The following MYT1L variants were observed in gnomAD, a reference collection of about 807,000 sequenced individuals.
MYT1L encodes the protein myelin transcription factor 1 like.
A neutral mutation model predicts 126.7 loss-of-function variants in MYT1L; 12 were observed. The ratio of observed to expected loss-of-function variants is 0.09; its 90% CI spans 0.06 to 0.15. The LOEUF is 0.15. Among genes scored for constraint, MYT1L ranks in the 10% least tolerant of loss-of-function variants. The probability of loss-of-function intolerance (pLI) is 1.00; values close to 1 mark genes in which losing one functional copy is unlikely to be tolerated. For synonymous variants in MYT1L, 541 were observed against 604.2 expected, an observed-to-expected ratio of 0.90 and a Z score of 1.53; for missense variants, 979 against 1,585.2, an observed-to-expected ratio of 0.62 and a Z score of 6.49.
At position 1,910,364 on chromosome 2, in the gene MYT1L, C is replaced by G; in HGVS notation, c.1710-17G>C. 1 of 1,604,410 alleles carries G rather than the reference C, an allele frequency of 6.2e-7. No individual in the cohort carries two copies. Among genetic ancestry groups the G allele is most frequent in the Non-Finnish European group, 8.5e-7 (1 of 1,176,394 alleles). On this transcript the variant is annotated splice_polypyrimidine_tract_variant and intron_variant, in intron 12 of 24. Transcript: ENST00000647738. The surrounding 1 kb of genome is among the most constrained non-coding windows in gnomAD (Gnocchi z 4.8). Reference sequence around the variant, plus strand: ...CCGGAGAGGCTGCAATCACAGAAAGCGGGTTGAATGGTCCCGCCTCAAACA... The same window carrying G: ...CCGGAGAGGCTGCAATCACAGAAAGGGGGTTGAATGGTCCCGCCTCAAACA...
At chr2:1,995,720 A>G (rs1342409318) in intron 5 of MYT1L, among the ~76,000 whole-genome samples, 1 of 152,128 alleles carries the variant, frequency 6.6e-6, no homozygotes. Flanking sequence ...GGACCAGCTG[A>G]TGCCGAAATC....
chr2:2,221,903 G>A (rs1184305961), intron 2 of MYT1L, among the ~76,000 whole-genome samples: 4 of 152,124 alleles, frequency 2.6e-5, no homozygotes, highest in Admixed American at 1.3e-4. Flanking sequence ...GTGAAGCTTC[G>A]CAGCACTTTC....
At chr2:2,162,936 C>T (rs1380361892) in intron 3 of MYT1L, among the ~76,000 whole-genome samples, 2 of 152,140 alleles carry the variant, frequency 1.3e-5, no homozygotes, top group Non-Finnish European at 2.9e-5. Flanking sequence ...ATCTGTAACC[C>T]CGTGACCTTG....
At chr2:1,956,575 T>C (rs941052218) in intron 8 of MYT1L, among the ~76,000 whole-genome samples, 4 of 39,892 alleles carry the variant, frequency 1.0e-4, no homozygotes, top group Non-Finnish European at 2.3e-4. Flanking sequence ...TATTTCCTAT[T>C]CTATCTATCT....
intron 18 of MYT1L, chr2:1,883,831 C>T (rs2047867680): frequency 6.6e-6 from 1 of 152,214 alleles, no homozygotes; most frequent in Admixed American, 6.5e-5. Context: ...CTTCGACACA[C>T]CAGATGGGCT....
intron 8 of MYT1L, among the ~76,000 whole-genome samples, chr2:1,967,411 G>A (rs370163779): frequency 5.9e-5 from 9 of 152,304 alleles, no homozygotes; most frequent in South Asian, 2.1e-4. Context: ...ACCCAGATGC[G>A]CCCTCTGGGA....
rs1478840772 is a variant in MYT1L at position 2,059,023 on chromosome 2, A to C, written c.-303-4900T>G. ...TGAAACCATACCTAAGTGTGACTGCAGTTTATATAAACTCAAGGACAATTG... is the reference window on the plus strand; with the variant it reads ...TGAAACCATACCTAAGTGTGACTGCCGTTTATATAAACTCAAGGACAATTG... On this transcript the variant is annotated intron_variant, in intron 3 of 24. Transcript: ENST00000647738. The surrounding 1 kb of genome is among the most constrained non-coding windows in gnomAD (Gnocchi z 4.7). 6.6e-6 allele frequency among the ~76,000 whole-genome samples: 1 copy of C among 152,254 alleles called. No homozygotes were observed. Among genetic ancestry groups the C allele is most frequent in the Non-Finnish European group, 1.5e-5 (1 of 68,048 alleles).
At chr2:1,824,228 C>T (rs1022130730) in intron 21 of MYT1L, among the ~76,000 whole-genome samples, 1 of 152,222 alleles carries the variant, frequency 6.6e-6, no homozygotes. Flanking sequence ...AGATACATGA[C>T]CCCAACCAAT....
In MYT1L at chr2:1,910,105, C is replaced by G; in HGVS notation, c.1817+135G>C. 1 of 773,856 alleles carries G rather than the reference C, an allele frequency of 1.3e-6. No homozygotes were observed. Among genetic ancestry groups the G allele is most frequent in the Non-Finnish European group, 2.1e-6 (1 of 480,328 alleles). 47.9% of individuals were successfully genotyped at this position (773,856 alleles called of 1,614,324 possible). ...CTGGAGTGAGGGGTCCTGGCCCCGG[C>G]TTCCAGCACAGCCCCGCCCTCCAGT... On this transcript the variant is annotated intron_variant, in intron 13 of 24. Transcript: ENST00000647738. The surrounding 1 kb of genome is among the most constrained non-coding windows in gnomAD (Gnocchi z 4.8).
At chr2:2,185,123 T>A (rs2091978084) in intron 2 of MYT1L, among the ~76,000 whole-genome samples, 1 of 152,130 alleles carries the variant, frequency 6.6e-6, no homozygotes, top group Non-Finnish European at 1.5e-5. Context: ...TCCATATCCA[T>A]CCAATAACTC....
At chr2:2,330,841 C>A (rs999149187) in intron 1 of MYT1L, 126 bp downstream of exon 1, 3 of 152,092 alleles carry the variant, frequency 2.0e-5, no homozygotes, top group African/African-American at 7.2e-5. Context: ...CAGCTACCAG[C>A]CATGCTGTAA....
At chr2:2,293,400 T>A (rs574879499) in intron 1 of MYT1L, among the ~76,000 whole-genome samples, 1 of 152,264 alleles carries the variant, frequency 6.6e-6, no homozygotes, top group Non-Finnish European at 1.5e-5. Context: ...TCATTCCCCA[T>A]TCCCCCACGC....
At chr2:2,070,625 C>T (rs76259708) in intron 3 of MYT1L, among the ~76,000 whole-genome samples, 2,292 of 152,282 alleles carry the variant, frequency 0.015, 51 homozygotes, top group African/African-American at 0.052. Flanking sequence ...TATTGTGTCA[C>T]GTACACCATG....
At chr2:1,879,646 G>A (rs2047307390) in intron 18 of MYT1L, among the ~76,000 whole-genome samples, 1 of 151,996 alleles carries the variant, frequency 6.6e-6, no homozygotes, top group African/African-American at 2.4e-5. Flanking sequence ...TATATTTATA[G>A]TTTAGTAATA....
chr2:1,817,633 T>C (rs550740027), intron 21 of MYT1L, among the ~76,000 whole-genome samples: 27 of 152,250 alleles, frequency 1.8e-4, no homozygotes, highest in Non-Finnish European at 2.9e-4. Context: ...AAGAGAACCC[T>C]GGGAGCAGGC....
chr2:1,802,796 C>G (rs1354957457), intron 22 of MYT1L, among the ~76,000 whole-genome samples: 1 of 152,220 alleles, frequency 6.6e-6, no homozygotes, highest in South Asian at 2.1e-4. Context: ...TGGGTGTACA[C>G]AGAAGGAGAG....
Position 2,128,529 on chromosome 2 carries a change from C to A in MYT1L, c.-304+44343G>T, listed in dbSNP as rs557001529. 8.5e-5 allele frequency among the ~76,000 whole-genome samples: 13 copies of A among 152,276 alleles called. No homozygotes were observed. The South Asian group carries it at 2.7e-3, about 32-fold the overall frequency. On this transcript the variant is annotated intron_variant, in intron 3 of 24. Transcript: ENST00000647738. Reference sequence around the variant, plus strand: ...TGGGATGCACAAGAATCAAGAGAGGCATGATTCATACATTCACTGGTGAAA... The same window carrying A: ...TGGGATGCACAAGAATCAAGAGAGGAATGATTCATACATTCACTGGTGAAA...
rs1306148356 is a variant in MYT1L, at chr2:1,886,586, C to T, written c.2664G>A (p.Ala888=). 1.3e-6 allele frequency: 2 copies of T among 1,581,036 alleles called. No homozygotes were observed. The highest frequency in any genetic ancestry group is 1.7e-6 in the Non-Finnish European group (2 of 1,164,136). The change falls in exon 18 of 25, where the codon GCG becomes GCA. Residue 888 remains alanine, a synonymous_variant. Coordinates refer to ENST00000647738, the MANE Select transcript of MYT1L (RefSeq NM_001303052.2). The stretch of plus-strand genomic sequence containing the variant: ...CCAGCATACTTCGAATGCTTTTGTC[C>T]GCCAGGGGGCAGCCAGACAGACTGT... ...DLITLSGCPL[A]DKSIRSMLAT...
chr2:2,080,985 T>TA (rs1317906093), intron 3 of MYT1L, among the ~76,000 whole-genome samples: 1 of 152,184 alleles, frequency 6.6e-6, no homozygotes, highest in African/African-American at 2.4e-5. Context: ...AAGTGGACTG[T>TA]AACTGTCAAG....
Sources: gnomAD v4.1 joint callset for allele counts (sites outside exome capture counted in the v4.1 genomes callset) on GRCh38, gnomAD v4.1.1 for gene constraint, Gnocchi (gnomAD v3.1) non-coding constraint, MANE v1.5 for transcripts, NCBI Gene and HGNC (gene_info 2026-07-23, HGNC 2026-07-21) for gene names.